The following TRERF1 variants were observed in gnomAD, a reference collection of about 807,000 sequenced individuals.
TRERF1 encodes transcriptional-regulating factor 1.
Under a neutral mutation model 122.9 loss-of-function variants are expected in TRERF1, and 27 were observed. The observed-to-expected ratio is 0.22, with a 90% CI of 0.16 to 0.30. TRERF1 has a LOEUF of 0.30. Among genes scored for constraint, TRERF1 ranks in the 10% least tolerant of loss-of-function variants. TRERF1 has a pLI of 1.00. For missense variants in TRERF1, 1,248 were observed against 1,560.3 expected (o/e 0.80, Z 3.37); for synonymous variants, 636 against 641.7 (o/e 0.99, Z 0.13).
At chr6:42,392,044 G>A (rs1457540704) in intron 2 of TRERF1, among the ~76,000 whole-genome samples, 2 of 152,074 alleles carry the variant, frequency 1.3e-5, no homozygotes, top group African/African-American at 4.8e-5. Context: ...TCCTTCCCAT[G>A]ACTGATTTTC....
At chr6:42,234,414 C>T (rs1021645238) in intron 16 of TRERF1, among the ~76,000 whole-genome samples, 15 of 151,732 alleles carry the variant, frequency 9.9e-5, no homozygotes, top group East Asian at 1.9e-4. Context: ...CTCAGTTTAC[C>T]GCAACCTCTG....
Position 42,416,364 on chromosome 6 carries a change from G to A in TRERF1, c.-454+34813C>T, listed in dbSNP as rs1420657527. 3.3e-5 allele frequency among the ~76,000 whole-genome samples: 5 copies of A among 152,142 alleles called. No homozygotes were observed. In the East Asian group the frequency reaches 9.6e-4, roughly 29 times the overall value. On this transcript the variant is annotated intron_variant, in intron 2 of 17. Coordinates refer to ENST00000372922, the Ensembl canonical transcript of TRERF1. Reference sequence around the variant, plus strand: ...TTTTGGCTACTTGCTTGACAAAAATGTATTTTCCCATGTTGAGGAGGTATC... The same window carrying A: ...TTTTGGCTACTTGCTTGACAAAAATATATTTTCCCATGTTGAGGAGGTATC...
chr6:42,408,327 A>ATATACATACTCATGTGTGTGTATG (rs1780592590), intron 2 of TRERF1, among the ~76,000 whole-genome samples: 5 of 131,200 alleles, frequency 3.8e-5, no homozygotes, highest in Non-Finnish European at 8.0e-5. Flanking sequence ...GTGTGTATAT[A>ATATACATACTCATGTGTGTGTATG]TATATATACA....
intron 3 of TRERF1, among the ~76,000 whole-genome samples, chr6:42,309,119 G>C (rs890206645): frequency 1.7e-4 from 26 of 152,094 alleles, no homozygotes; most frequent in African/African-American, 6.3e-4. Flanking sequence ...AGAACAACCT[G>C]GGTGACTCTG....
intron 8 of TRERF1, among the ~76,000 whole-genome samples, chr6:42,262,400 T>C (rs1475949058): frequency 6.9e-6 from 1 of 145,726 alleles, no homozygotes; most frequent in African/African-American, 2.5e-5. Context: ...AGGTTTGATA[T>C]TGCCAACCAC....
At chr6:42,339,739 C>A in intron 3 of TRERF1, among the ~76,000 whole-genome samples, 1 of 152,170 alleles carries the variant, frequency 6.6e-6, no homozygotes, top group East Asian at 1.9e-4. Flanking sequence ...ACAAGTAGCT[C>A]TCCTGAGAAC....
chr6:42,277,965 A>C (rs868542950), intron 4 of TRERF1, among the ~76,000 whole-genome samples: 7 of 146,632 alleles, frequency 4.8e-5, no homozygotes, highest in African/African-American at 1.5e-4. Flanking sequence ...AAGAAGAAGA[A>C]GAAGAAGAAG....
intron 2 of TRERF1, among the ~76,000 whole-genome samples, chr6:42,418,180 G>A (rs1252539000): frequency 8.9e-6 from 1 of 112,746 alleles, no homozygotes; most frequent in African/African-American, 3.3e-5. Flanking sequence ...TGGTTCATTC[G>A]TTCTTTCTCT....
intron 4 of TRERF1, among the ~76,000 whole-genome samples, chr6:42,277,887 AGAAG>A (rs1311523670): frequency 7.5e-6 from 1 of 133,316 alleles, no homozygotes; most frequent in Non-Finnish European, 1.6e-5. Context: ...GGAAGAAGGA[AGAAG>A]GAAGAAGGAA....
intron 3 of TRERF1, among the ~76,000 whole-genome samples, chr6:42,311,580 T>G (rs1003874163): frequency 4.6e-5 from 7 of 151,680 alleles, no homozygotes; most frequent in African/African-American, 1.7e-4. Flanking sequence ...CTGGCTAACA[T>G]GATGAAACCC....
At chr6:42,320,257 A>T (rs573744628) in intron 3 of TRERF1, among the ~76,000 whole-genome samples, 1 of 152,202 alleles carries the variant, frequency 6.6e-6, no homozygotes, top group South Asian at 2.1e-4. Context: ...AATCCTAAAT[A>T]TACTCCTTTA....
chr6:42,243,474 C>G (rs975194556), intron 14 of TRERF1, 113 bp from the exon 15 acceptor site: 1 of 715,448 alleles, frequency 1.4e-6, no homozygotes, highest in African/African-American at 1.8e-5. Context: ...TTGTACAGTT[C>G]AAGAAAAAAA....
chr6:42,325,860 A>G (rs1255539658), intron 3 of TRERF1, among the ~76,000 whole-genome samples: 5 of 152,202 alleles, frequency 3.3e-5, no homozygotes, highest in African/African-American at 1.2e-4. Flanking sequence ...GGGGCCACAG[A>G]GCAATGAAAT....
chr6:42,445,486 G>C (rs1044475496), intron 2 of TRERF1, among the ~76,000 whole-genome samples: 1 of 151,718 alleles, frequency 6.6e-6, no homozygotes, highest in Non-Finnish European at 1.5e-5. Flanking sequence ...TCTCCATGCC[G>C]ATGGCTCCCA....
chr6:42,385,349 C>G (rs187546322), intron 2 of TRERF1, among the ~76,000 whole-genome samples: 3 of 152,296 alleles, frequency 2.0e-5, no homozygotes, highest in Admixed American at 2.0e-4. Flanking sequence ...ACCAGCTTCT[C>G]TTCTTAACAG....
chr6:42,304,984 T>C (rs1185206367), intron 3 of TRERF1, among the ~76,000 whole-genome samples: 4 of 151,762 alleles, frequency 2.6e-5, no homozygotes, highest in East Asian at 3.9e-4. Context: ...GCAGGGGAGG[T>C]GAACAGCTAC....
At position 42,424,655 on chromosome 6, in the gene TRERF1, T is replaced by C. The variant is rs187217727; in HGVS notation, c.-454+26522A>G. Reference sequence around the variant, plus strand: ...CCTACCAGCAGCTCCTAAATGACCATAATGTCCTATCTCCTCTTCAATGCT... The same window carrying C: ...CCTACCAGCAGCTCCTAAATGACCACAATGTCCTATCTCCTCTTCAATGCT... On this transcript the variant is annotated intron_variant, in intron 2 of 17. Transcript: ENST00000372922. Among the ~76,000 whole-genome samples, 5 of 152,308 alleles carry C rather than the reference T, an allele frequency of 3.3e-5. No individual in the cohort carries two copies. In the East Asian group the frequency reaches 9.6e-4, roughly 29 times the overall value.
chr6:42,346,617 T>C (rs1768343106), intron 3 of TRERF1, among the ~76,000 whole-genome samples: 1 of 152,046 alleles, frequency 6.6e-6, no homozygotes, highest in Admixed American at 6.5e-5. Context: ...TCAAGGACAT[T>C]GCAAAGGGAA....
chr6:42,269,764 CAT>C lies in TRERF1; in HGVS notation c.-176_-175del. The C allele has an allele frequency of 7.0e-7, 1 of 1,437,646 alleles. No homozygotes were observed. 89.1% of individuals were successfully genotyped at this position (1,437,646 alleles called of 1,614,324 possible). On this transcript the variant is annotated 5_prime_UTR_variant, in exon 5 of 18. It removes an upstream start codon present in the reference 5' UTR. Coordinates refer to ENST00000372922, the Ensembl canonical transcript of TRERF1. The surrounding 1 kb of genome is among the most constrained non-coding windows in gnomAD (Gnocchi z 4.9). Reference sequence around the variant, plus strand: ...GGTGTTCCTGTTGGCCTGTACCACTCATGTGCAGGGCGGGGGGTTTCACATCC... The same window carrying C: ...GGTGTTCCTGTTGGCCTGTACCACTCGTGCAGGGCGGGGGGTTTCACATCC...
Sources: gnomAD v4.1 joint callset for allele counts (sites outside exome capture counted in the v4.1 genomes callset) on GRCh38, gnomAD v4.1.1 for gene constraint, Gnocchi (gnomAD v3.1) non-coding constraint, MANE v1.5 for transcripts, NCBI Gene and HGNC (gene_info 2026-07-23, HGNC 2026-07-21) for gene names.